The following CPD variants were observed in gnomAD, a reference collection of about 807,000 sequenced individuals.
CPD encodes the protein metallocarboxypeptidase D.
A neutral mutation model predicts 138.3 loss-of-function variants in CPD; 69 were observed. The observed-to-expected ratio is 0.50, with a 90% confidence interval of 0.41 to 0.61. CPD has a LOEUF of 0.61. Ranked by LOEUF, CPD falls within the 20% of genes least tolerant of loss-of-function variation. CPD has a pLI of 0.00. For synonymous variants in CPD, 651 were observed against 642.1 expected (o/e 1.01, Z -0.21); for missense variants, 1,432 against 1,733.3 (o/e 0.83, Z 3.09).
In CPD at chr17:30,379,612, G is replaced by T. The variant is rs775875206; in HGVS notation, c.632G>T (p.Ser211Ile). The T allele has an allele frequency of 1.6e-4, 236 of 1,475,164 alleles. No individual in the cohort carries two copies. The East Asian group carries it at 6.3e-3, about 39-fold the overall frequency. 91.4% of individuals were successfully genotyped at this position (1,475,164 alleles called of 1,614,324 possible). A position where few individuals can be genotyped will look rare whatever the true frequency, so the allele number is the denominator to read the frequency against. The change falls in exon 1 of 21, where the codon AGT becomes ATT. Residue 211 changes from serine (S) to isoleucine (I), a missense_variant. Ser to Ile is a moderately radical substitution (Grantham distance 142). Transcript: ENST00000225719. This position sits in a 1 kb window ranked among gnomAD's most constrained non-coding sequence, Gnocchi z 7.0. ...TCCGGGGCCAGCGGCCGCGACAATA[G>T]TCGCGGCCGCGACCTCAACCGAAGC... ...GPSGASGRDN[S>I]RGRDLNRSFP...
intron 2 of CPD, among the ~76,000 whole-genome samples, chr17:30,398,913 G>A (rs191041937): frequency 1.1e-3 from 167 of 151,028 alleles, no homozygotes; most frequent in African/African-American, 3.6e-3. Flanking sequence ...GAATAAAGAC[G>A]TTTTGATATT....
intron 1 of CPD, among the ~76,000 whole-genome samples, chr17:30,380,985 T>C (rs553540052): frequency 7.9e-5 from 12 of 152,362 alleles, no homozygotes; most frequent in African/African-American, 2.9e-4. Context: ...CCTGCGGGAC[T>C]TGGAATCATT....
chr17:30,436,751 C>T lies in CPD; in HGVS notation c.2128-2224C>T, dbSNP rs1567878393. 2.0e-5 allele frequency among the ~76,000 whole-genome samples: 3 copies of T among 152,176 alleles called. 1 individual carries two copies. Among genetic ancestry groups the T allele is most frequent in the South Asian group, 4.1e-4 (2 of 4,832 alleles). ...AATATAGAATTGTAATATGACCCAGCATTCCACTGCTAGGTATATACCCAA... is the reference window on the plus strand; with the variant it reads ...AATATAGAATTGTAATATGACCCAGTATTCCACTGCTAGGTATATACCCAA... On this transcript the variant is annotated intron_variant, in intron 8 of 20. Coordinates refer to ENST00000225719, the MANE Select transcript of CPD (RefSeq NM_001304.5).
chr17:30,439,129 C>A, intron 9 of CPD, 52 bp downstream of exon 9: 3 of 958,078 alleles, frequency 3.1e-6, no homozygotes, highest in East Asian at 2.6e-5. Flanking sequence ...TTTCTGCTTT[C>A]CTAGATGGTG....
At chr17:30,464,039 C>T (rs192506736) in intron 20 of CPD, among the ~76,000 whole-genome samples, 1 of 152,012 alleles carries the variant, frequency 6.6e-6, no homozygotes, top group African/African-American at 2.4e-5. Context: ...GAACAGTAGA[C>T]ACAGTATAAT....
chr17:30,402,167 A>AT, intron 2 of CPD, among the ~76,000 whole-genome samples: 1 of 151,268 alleles, frequency 6.6e-6, no homozygotes, highest in East Asian at 2.0e-4. Context: ...CATTCAGTTT[A>AT]TTTTTTTAAT....
At chr17:30,406,172 A>G (rs1316950859) in intron 2 of CPD, among the ~76,000 whole-genome samples, 2 of 151,958 alleles carry the variant, frequency 1.3e-5, no homozygotes, top group African/African-American at 4.8e-5. Flanking sequence ...ATATGGTCTT[A>G]TCAAAGAAAA....
rs771919409 is a variant in CPD at position 30,445,826 on chromosome 17, T to C, written c.2679T>C (p.Asp893=). Reference sequence around the variant, plus strand: ...AAGGGGCTAGCAGCAGCACCAATGATGCCAGTGATCCAACTACTAAAGAGT... The same window carrying C: ...AAGGGGCTAGCAGCAGCACCAATGACGCCAGTGATCCAACTACTAAAGAGT... ...KGKGASSSTN[D]ASDPTTKEFE... Residue 893 remains aspartate (D), a synonymous_variant, in exon 12 of 21, where the codon GAT becomes GAC. Transcript: ENST00000225719. The C allele has an allele frequency of 6.2e-7, 1 of 1,614,144 alleles. No homozygotes were observed. Among genetic ancestry groups the C allele is most frequent in the East Asian group, 2.2e-5 (1 of 44,880 alleles).
rs1430040059 is a variant in CPD, at chr17:30,456,325, G to C, written c.3407G>C (p.Gly1136Ala). Residue 1136 changes from glycine to alanine, a missense_variant, in exon 16 of 21, where the codon GGT (glycine) becomes GCT (alanine). By Grantham distance (60) the Gly-to-Ala change is moderately conservative (BLOSUM62 0). This residue lies in a region of CPD where 366 missense variants were observed against 518.8 expected (regional missense o/e 0.71). Coordinates refer to ENST00000225719, the MANE Select transcript of CPD (RefSeq NM_001304.5). ...AATAATCATCCATCCATGCACATGG[G>C]TCAGCCCAGTTGCCCAAATAAATCA... ...YANNHPSMHM[G>A]QPSCPNKSDE... 1 of 1,614,056 alleles carries C rather than the reference G, an allele frequency of 6.2e-7. No individual in the cohort carries two copies. The highest frequency in any genetic ancestry group is 1.3e-5 in the African/African-American group (1 of 74,920).
intron 8 of CPD, among the ~76,000 whole-genome samples, chr17:30,435,322 T>C (rs1439765472): frequency 1.3e-5 from 2 of 151,720 alleles, no homozygotes; most frequent in East Asian, 3.9e-4. Context: ...ATCAATGAAA[T>C]AGAACTGAGA....
chr17:30,380,693 G>C (rs974130541), intron 1 of CPD: 2 of 1,265,178 alleles, frequency 1.6e-6, no homozygotes, highest in East Asian at 5.2e-5. Context: ...CCACTGGCAA[G>C]ATGTGTGTGG....
In CPD at chr17:30,430,986, T is replaced by C. The variant is rs971930870; in HGVS notation, c.2018-786T>C. Among the ~76,000 whole-genome samples, 36 of 152,256 alleles carry C rather than the reference T, an allele frequency of 2.4e-4. 1 individual carries two copies. Among genetic ancestry groups the C allele is most frequent in the African/African-American group, 7.9e-4 (33 of 41,556 alleles). ...TATTCAGTTCTTTTGGGTGTACACTTAGGAGTGAAATTGTCATATGATAAT... is the reference window on the plus strand; with the variant it reads ...TATTCAGTTCTTTTGGGTGTACACTCAGGAGTGAAATTGTCATATGATAAT... On this transcript the variant is annotated intron_variant, in intron 7 of 20. Coordinates refer to ENST00000225719, the MANE Select transcript of CPD (RefSeq NM_001304.5).
intron 19 of CPD, 101 bp from the exon 20 acceptor site, chr17:30,462,269 G>T: frequency 9.2e-7 from 1 of 1,090,362 alleles, no homozygotes; most frequent in East Asian, 2.4e-5. Context: ...AGATGGCAAT[G>T]CATCATCTCC....
intron 2 of CPD, among the ~76,000 whole-genome samples, chr17:30,391,134 T>C (rs1354299164): frequency 3.1e-3 from 2 of 654 alleles, no homozygotes; most frequent in Non-Finnish European, 6.9e-3. Flanking sequence ...CTGGCCGCCT[T>C]TTTTTTTTTT....
At chr17:30,398,089 A>G (rs1471731837) in intron 2 of CPD, among the ~76,000 whole-genome samples, 1 of 151,952 alleles carries the variant, frequency 6.6e-6, no homozygotes. Flanking sequence ...TTAAGATGAA[A>G]ACTTGTGAAT....
At chr17:30,396,422 A>G (rs1027054308) in intron 2 of CPD, among the ~76,000 whole-genome samples, 1 of 152,116 alleles carries the variant, frequency 6.6e-6, no homozygotes, top group Non-Finnish European at 1.5e-5. Context: ...ACACTGAAGC[A>G]TTGGCTGTAT....
chr17:30,446,583 C>T (rs1363492095), intron 12 of CPD, among the ~76,000 whole-genome samples: 1 of 152,178 alleles, frequency 6.6e-6, no homozygotes. Flanking sequence ...CATTGATGGA[C>T]ATTTGGGTTG....
In CPD at chr17:30,427,534, G is replaced by T; in HGVS notation, c.1993G>T (p.Val665Leu). ...VMSWMKSYPF[V>L]LSANLHGGSL... ...GAGCTGGATGAAGTCCTATCCATTT[G>T]TACTTTCAGCAAACCTGCATGGAGG... Residue 665 changes from valine (V) to leucine (L), a missense_variant, in exon 7 of 21, where the codon GTA becomes TTA. Around this residue, in one of 6 missense-constraint regions of CPD, gnomAD observed 297 missense variants for 405.3 expected, o/e 0.73. Transcript: ENST00000225719. 1 of 1,614,002 alleles carries T rather than the reference G, an allele frequency of 6.2e-7. No homozygotes were observed. Among genetic ancestry groups the T allele is most frequent in the Non-Finnish European group, 8.5e-7 (1 of 1,179,958 alleles).
At chr17:30,444,126 G>T in intron 11 of CPD, 155 bp downstream of exon 11, 1 of 573,714 alleles carries the variant, frequency 1.7e-6, no homozygotes, top group Admixed American at 3.2e-5. Context: ...CTCTCCTTTA[G>T]TGGCAGATAG....
Sources: allele counts gnomAD v4.1 joint callset (sites outside exome capture counted in the v4.1 genomes callset), GRCh38; gene constraint gnomAD v4.1.1; regional missense constraint gnomAD v4.1.1; non-coding constraint Gnocchi (gnomAD v3.1); transcripts MANE v1.5; gene names NCBI Gene and HGNC (gene_info 2026-07-23, HGNC 2026-07-21).